LGSN: variants seen among roughly 807,000 people sequenced by gnomAD.
LGSN encodes lengsin, lens protein with glutamine synthetase domain.
A neutral mutation model predicts 19.5 loss-of-function variants in LGSN; 21 were observed. The observed-to-expected ratio is 1.07, with a 90% CI of 0.76 to 1.55. The LOEUF (loss-of-function observed/expected upper bound fraction) is 1.55. Ranked by LOEUF, LGSN falls within the 40% of genes most tolerant of loss-of-function variation. The pLI, the probability that LGSN is intolerant of heterozygous loss-of-function variation, is 0.00. For synonymous variants in LGSN, 257 were observed against 215.6 expected (o/e 1.19, Z -1.68); for missense variants, 673 against 608.5 (o/e 1.11, Z -1.12).
the LGSN span, among the ~76,000 whole-genome samples, chr6:63,426,722 C>T: frequency 6.6e-6 from 1 of 152,074 alleles, no homozygotes; most frequent in Non-Finnish European, 1.5e-5. Flanking sequence ...GCCATGTTGG[C>T]CAGGCTGGTC....
chr6:63,474,318 G>A, the LGSN span, among the ~76,000 whole-genome samples: 2 of 152,196 alleles, frequency 1.3e-5, no homozygotes, highest in African/African-American at 4.8e-5. Flanking sequence ...TGTAGAAAGT[G>A]GGAAAACGGG....
the LGSN span, among the ~76,000 whole-genome samples, chr6:63,381,985 C>T: frequency 2.0e-5 from 3 of 152,174 alleles, no homozygotes; most frequent in Admixed American, 6.5e-5. Context: ...CACATTTTCA[C>T]ACTCATGCTG....
At chr6:63,533,982 A>G in the LGSN span, among the ~76,000 whole-genome samples, 2 of 151,984 alleles carry the variant, frequency 1.3e-5, no homozygotes, top group Non-Finnish European at 2.9e-5. Context: ...TAGCTGGAAT[A>G]ACAGGTGCAC....
chr6:63,339,796 C>T, the LGSN span, among the ~76,000 whole-genome samples: 5,559 of 152,060 alleles, frequency 0.037, 127 homozygotes, highest in South Asian at 0.078. Context: ...TGGTGGTTTT[C>T]TGTAATGATA....
At chr6:63,323,563 C>T (rs1017855614), upstream of LGSN, among the ~76,000 whole-genome samples, 18 of 98,774 alleles carry the variant, frequency 1.8e-4, no homozygotes, top group East Asian at 1.1e-3. Context: ...CTCATATACA[C>T]ACACACACAC....
At chr6:63,476,026 AG>A in the LGSN span, among the ~76,000 whole-genome samples, 20 of 152,206 alleles carry the variant, frequency 1.3e-4, no homozygotes, top group Non-Finnish European at 2.9e-4. Flanking sequence ...GTGGAGATAA[AG>A]GACATTATTA....
chr6:63,463,713 C>G, the LGSN span, among the ~76,000 whole-genome samples: 287 of 152,220 alleles, frequency 1.9e-3, 1 homozygote, highest in African/African-American at 5.4e-3. Context: ...CCAAACTAGG[C>G]TTTGATGTAG....
At chr6:63,422,573 G>C in the LGSN span, among the ~76,000 whole-genome samples, 7 of 152,080 alleles carry the variant, frequency 4.6e-5, no homozygotes, top group Non-Finnish European at 1.0e-4. Context: ...ACCTATAGGA[G>C]TAAACAATTT....
At chr6:63,359,988 G>T in the LGSN span, among the ~76,000 whole-genome samples, 1 of 152,086 alleles carries the variant, frequency 6.6e-6, no homozygotes, top group Admixed American at 6.5e-5. Flanking sequence ...TTGAATATTG[G>T]CCCCCACTCT....
chr6:63,352,627 C>T, the LGSN span, among the ~76,000 whole-genome samples: 8 of 151,922 alleles, frequency 5.3e-5, no homozygotes, highest in Non-Finnish European at 1.2e-4. Context: ...CACCACCGCA[C>T]TCCAGTCTGT....
the LGSN span, among the ~76,000 whole-genome samples, chr6:63,436,761 C>A: frequency 6.6e-6 from 1 of 152,158 alleles, no homozygotes; most frequent in Non-Finnish European, 1.5e-5. Flanking sequence ...AGAGGCTGGG[C>A]AGAGTGGCTC....
chr6:63,377,930 A>AG, the LGSN span, among the ~76,000 whole-genome samples: 4 of 149,644 alleles, frequency 2.7e-5, no homozygotes, highest in East Asian at 1.9e-4. Context: ...AAAAAAAAAA[A>AG]AAAAAGAAAA....
chr6:63,412,479 A>G, the LGSN span, among the ~76,000 whole-genome samples: 135 of 135,786 alleles, frequency 9.9e-4, 2 homozygotes, highest in African/African-American at 2.4e-3. Flanking sequence ...AGAGAGAAGA[A>G]AGAGAAGAAA....
the LGSN span, among the ~76,000 whole-genome samples, chr6:63,341,698 C>T: frequency 6.6e-6 from 1 of 152,122 alleles, no homozygotes; most frequent in African/African-American, 2.4e-5. Context: ...CCTAAATTGA[C>T]ATTTGAGAAT....
chr6:63,378,770 A>G, the LGSN span, among the ~76,000 whole-genome samples: 1 of 152,166 alleles, frequency 6.6e-6, no homozygotes, highest in African/African-American at 2.4e-5. Flanking sequence ...GCATTAATCT[A>G]TTCATGAGAG....
At chr6:63,440,607 C>A in the LGSN span, among the ~76,000 whole-genome samples, 2 of 152,080 alleles carry the variant, frequency 1.3e-5, no homozygotes, top group Non-Finnish European at 2.9e-5. Context: ...CCTAGATATC[C>A]ATTTGTCTAA....
At chr6:63,564,287 AAAAG>A in the LGSN span, among the ~76,000 whole-genome samples, 1 of 152,042 alleles carries the variant, frequency 6.6e-6, no homozygotes, top group Non-Finnish European at 1.5e-5. Flanking sequence ...AAAAAAAAAA[AAAAG>A]AGAGAAATTT....
chr6:63,477,009 C>T, the LGSN span, among the ~76,000 whole-genome samples: 1 of 152,200 alleles, frequency 6.6e-6, no homozygotes, highest in South Asian at 2.1e-4. Flanking sequence ...TCCTAGTAGT[C>T]AAGCCTAGAC....
chr6:63,494,345 T>A, the LGSN span, among the ~76,000 whole-genome samples: 2 of 152,116 alleles, frequency 1.3e-5, no homozygotes, highest in Non-Finnish European at 2.9e-5. Flanking sequence ...GTGTTCACTC[T>A]TAATATAAAA....
Sources: gnomAD v4.1 joint callset for allele counts (sites outside exome capture counted in the v4.1 genomes callset) on GRCh38, gnomAD v4.1.1 for gene constraint, MANE v1.5 for transcripts, NCBI Gene and HGNC (gene_info 2026-07-23, HGNC 2026-07-21) for gene names.